TBL2: variants seen among roughly 807,000 people sequenced by gnomAD.
TBL2 encodes the protein transducin beta like 2, also known as transducin beta-like protein 2.
Under a neutral mutation model 41.8 loss-of-function variants are expected in TBL2, and 33 were observed. That is an observed-to-expected ratio of 0.79 (90% CI 0.60 to 1.06). The LOEUF is 1.06. Ranked by LOEUF, TBL2 falls within the 50% of genes least tolerant of loss-of-function variation. TBL2 has a pLI of 0.00. For synonymous variants in TBL2, 239 were observed against 241.7 expected (o/e 0.99, Z 0.10); for missense variants, 522 against 603.8 (o/e 0.86, Z 1.42).
Position 73,567,753 on chromosome 7 carries a change from T to G in TBL2, c.*2754A>C, listed in dbSNP as rs1169134210. On this transcript the variant is annotated 3_prime_UTR_variant, in exon 7 of 7. Transcript: ENST00000305632. Reference sequence around the variant, plus strand: ...GGCACTTTCTGTCCTCAGAAGTCTGTGGAATGACTTTTTGGTAGTGTTTTC... The same window carrying G: ...GGCACTTTCTGTCCTCAGAAGTCTGGGGAATGACTTTTTGGTAGTGTTTTC... 6.6e-6 allele frequency among the ~76,000 whole-genome samples: 1 copy of G among 152,184 alleles called. No individual in the cohort carries two copies. Among genetic ancestry groups the G allele is most frequent in the African/African-American group, 2.4e-5 (1 of 41,444 alleles).
intron 1 of TBL2, among the ~76,000 whole-genome samples, chr7:73,575,878 T>C (rs1435801807): frequency 1.3e-5 from 2 of 151,886 alleles, no homozygotes; most frequent in Non-Finnish European, 2.9e-5. Context: ...ACCCCATCTC[T>C]ACAGAAAACT....
At chr7:73,575,961 A>G (rs149927954) in intron 1 of TBL2, among the ~76,000 whole-genome samples, 93 of 152,120 alleles carry the variant, frequency 6.1e-4, no homozygotes, top group African/African-American at 2.2e-3. Context: ...AAATTGCTTG[A>G]GCCCAGGAGT....
rs1792847129 is a variant in TBL2, at chr7:73,570,382, G to C, written c.*125C>G. 11 of 1,404,784 alleles carry C rather than the reference G, an allele frequency of 7.8e-6. No individual in the cohort carries two copies. Among genetic ancestry groups the C allele is most frequent in the Non-Finnish European group, 9.3e-7 (1 of 1,079,678 alleles). The allele number at this position is 1,404,784 out of a possible 1,614,324, so 87.0% of individuals were successfully genotyped here. A position where few individuals can be genotyped will look rare whatever the true frequency, so the allele number is the denominator to read the frequency against. On this transcript the variant is annotated 3_prime_UTR_variant, in exon 7 of 7. Coordinates refer to ENST00000305632, the MANE Select transcript of TBL2 (RefSeq NM_012453.4). Reference sequence around the variant, plus strand: ...GAGTAGTTTCAATGGGAAGAAGCAGGGCCACCAGTAAGAAAACCAGGAGAC... The same window carrying C: ...GAGTAGTTTCAATGGGAAGAAGCAGCGCCACCAGTAAGAAAACCAGGAGAC...
chr7:73,568,837 G>C lies in TBL2; in HGVS notation c.*1670C>G, dbSNP rs1792751260. Reference sequence around the variant, plus strand: ...AGCTACTCTGGAGGCTGAGGCAGGAGAATCGCTTGAACCTAGGAGGCGGCG... The same window carrying C: ...AGCTACTCTGGAGGCTGAGGCAGGACAATCGCTTGAACCTAGGAGGCGGCG... On this transcript the variant is annotated 3_prime_UTR_variant, in exon 7 of 7. Coordinates refer to ENST00000305632, the MANE Select transcript of TBL2 (RefSeq NM_012453.4). 6.6e-6 allele frequency: 1 copy of C among 152,200 alleles called. No homozygotes were observed. 9.4% of individuals were successfully genotyped at this position (152,200 alleles called of 1,614,324 possible).
rs782374340 is a variant in TBL2, at chr7:73,570,577, C to A, written c.1274G>T (p.Arg425Leu). 3 of 1,609,018 alleles carry A rather than the reference C, an allele frequency of 1.9e-6. No individual in the cohort carries two copies. The highest frequency in any genetic ancestry group is 1.7e-5 in the Admixed American group (1 of 59,186). The change falls in exon 7 of 7, where the codon CGC becomes CTC. Residue 425 changes from arginine (R) to leucine (L), a missense_variant. Arg to Leu is a moderately radical substitution (Grantham distance 102). Coordinates refer to ENST00000305632, the MANE Select transcript of TBL2 (RefSeq NM_012453.4). ...GGTCAGCTGCTGCTGCAGCCTCTGGCGGGTGCTCTCGTTGGAGGCCCGCTT... is the reference window on the plus strand; with the variant it reads ...GGTCAGCTGCTGCTGCAGCCTCTGGAGGGTGCTCTCGTTGGAGGCCCGCTT... ...HLKRASNEST[R>L]QRLQQQLTQA...
Position 73,570,480 on chromosome 7 carries a change from A to C in TBL2, c.*27T>G. The C allele has an allele frequency of 6.8e-7, 1 of 1,476,612 alleles. No homozygotes were observed. The highest frequency in any genetic ancestry group is 9.0e-7 in the Non-Finnish European group (1 of 1,115,590). The allele number at this position is 1,476,612 out of a possible 1,614,324, so 91.5% of individuals were successfully genotyped here. On this transcript the variant is annotated 3_prime_UTR_variant, in exon 7 of 7. Transcript: ENST00000305632. ...TGAGGAGGCCAGATCCCTCCTCCTC[A>C]ATCCTCTGCGCCGGGCCCTCCCAGA...
Position 73,572,978 on chromosome 7 carries a change from G to T in TBL2, c.599-8C>A. Reference sequence around the variant, plus strand: ...CAGTCATGATAAACTTCCCTGAGCGGGAAGGGAGTGATGTGGGTCACGGGC... The same window carrying T: ...CAGTCATGATAAACTTCCCTGAGCGTGAAGGGAGTGATGTGGGTCACGGGC... On this transcript the variant is annotated splice_region_variant and splice_polypyrimidine_tract_variant and intron_variant, in intron 4 of 6. Transcript: ENST00000305632. 1 of 1,614,154 alleles carries T rather than the reference G, an allele frequency of 6.2e-7. No individual in the cohort carries two copies.
At chr7:73,575,712 G>A (rs1053656396) in intron 1 of TBL2, among the ~76,000 whole-genome samples, 4 of 152,202 alleles carry the variant, frequency 2.6e-5, no homozygotes, top group Non-Finnish European at 5.9e-5. Flanking sequence ...GATTATAGGC[G>A]TGAGCCACTG....
At chr7:73,575,110 G>GT (rs138718170) in intron 1 of TBL2, among the ~76,000 whole-genome samples, 54 of 149,096 alleles carry the variant, frequency 3.6e-4, no homozygotes, top group Middle Eastern at 3.4e-3. Flanking sequence ...CTGGACCTTG[G>GT]TTTTTTTTTT....
At chr7:73,574,795 G>C (rs1013540819) in intron 1 of TBL2, 2 of 525,664 alleles carry the variant, frequency 3.8e-6, no homozygotes, top group Non-Finnish European at 7.1e-6. Flanking sequence ...CTGAGTGACA[G>C]AGCAAGACCC....
intron 1 of TBL2, chr7:73,576,755 T>C (rs1554589030): frequency 8.8e-6 from 4 of 455,408 alleles, no homozygotes; most frequent in Admixed American, 4.7e-5. Flanking sequence ...TCCAGGCATG[T>C]CTAACAAGCC....
In TBL2 at chr7:73,570,853, G is replaced by T. The variant is rs779188248; in HGVS notation, c.998C>A (p.Ala333Glu). The change falls in exon 7 of 7, where the codon GCG becomes GAG. Residue 333 changes from alanine (A) to glutamate (E), a missense_variant. Ala to Glu is a moderately radical substitution (Grantham distance 107). Coordinates refer to ENST00000305632, the MANE Select transcript of TBL2 (RefSeq NM_012453.4). ...GGGGGAGAGGGCCAGGCGGCACGGC[G>T]CGGCACCCGCCGCCTCTTCAAAGCG... ...TGRFEEAAGAAPCRLALSPNA... is the reference protein window; with the variant it reads ...TGRFEEAAGAEPCRLALSPNA... The T allele has an allele frequency of 1.2e-6, 2 of 1,613,672 alleles. No individual in the cohort carries two copies. Among genetic ancestry groups the T allele is most frequent in the South Asian group, 2.2e-5 (2 of 91,076 alleles).
At chr7:73,577,901 G>A (rs1793439691) in intron 1 of TBL2, 1 of 206,142 alleles carries the variant, frequency 4.9e-6, no homozygotes, top group African/African-American at 2.3e-5. Flanking sequence ...GCCTCCCAAA[G>A]TGCTGGGAAT....
At position 73,569,736 on chromosome 7, in the gene TBL2, C is replaced by T. The variant is rs1792807082; in HGVS notation, c.*771G>A. On this transcript the variant is annotated 3_prime_UTR_variant, in exon 7 of 7. Coordinates refer to ENST00000305632, the MANE Select transcript of TBL2 (RefSeq NM_012453.4). ...TCAAATATCTGATGAACTTGATGAA[C>T]TGAAAAGAGGTCTCCTTAAACAAGA... is the stretch of plus-strand genomic sequence containing the variant. 6.6e-6 allele frequency: 1 copy of T among 152,128 alleles called. No individual in the cohort carries two copies. The highest frequency in any genetic ancestry group is 6.6e-5 in the Admixed American group (1 of 15,254). 9.4% of individuals were successfully genotyped at this position (152,128 alleles called of 1,614,324 possible). A position where few individuals can be genotyped will look rare whatever the true frequency, so the allele number is the denominator to read the frequency against.
intron 1 of TBL2, among the ~76,000 whole-genome samples, chr7:73,575,601 T>C (rs1793261927): frequency 6.6e-6 from 1 of 152,108 alleles, no homozygotes; most frequent in African/African-American, 2.4e-5. Context: ...CCCCAATTTT[T>C]TTGTTTTTTT....
chr7:73,571,077 G>A (rs900598870), intron 6 of TBL2, 105 bp from the exon 7 acceptor site: 6 of 1,575,660 alleles, frequency 3.8e-6, no homozygotes, highest in Middle Eastern at 1.7e-4. Flanking sequence ...GCTTCCTGCC[G>A]AGGGCCAGGC....
In TBL2 at chr7:73,571,131, C is replaced by G. The variant is rs782633990; in HGVS notation, c.878+58G>C. On this transcript the variant is annotated intron_variant, in intron 6 of 6. Transcript: ENST00000305632. ...CCATGGCACAAACAGACAGAAGGAC[C>G]CTGGTTGTCAAGAGGGGCCAAGAGC... 12 of 1,609,340 alleles carry G rather than the reference C, an allele frequency of 7.5e-6. No individual in the cohort carries two copies. In the East Asian group the frequency reaches 8.9e-5, roughly 12 times the overall value.
chr7:73,570,563 G>C lies in TBL2; in HGVS notation c.1288C>G (p.Gln430Glu), dbSNP rs562308906. Residue 430 changes from glutamine to glutamate, a missense_variant, in exon 7 of 7, where the codon CAG (glutamine) becomes GAG (glutamate). By Grantham distance (29) the Gln-to-Glu change is conservative (BLOSUM62 2). Transcript: ENST00000305632. Reference protein sequence around the residue: ...SNESTRQRLQQQLTQAQETLK... With the variant: ...SNESTRQRLQEQLTQAQETLK... ...GTCTCTTGGGCCTGGGTCAGCTGCT[G>C]CTGCAGCCTCTGGCGGGTGCTCTCG... is the stretch of plus-strand genomic sequence containing the variant. 6.8e-6 allele frequency: 11 copies of C among 1,607,060 alleles called. No individual in the cohort carries two copies. The African/African-American group carries it at 1.5e-4, about 21-fold the overall frequency.
intron 6 of TBL2, 96 bp downstream of exon 6, chr7:73,571,093 A>G (rs1403377063): frequency 6.3e-7 from 1 of 1,589,318 alleles, no homozygotes; most frequent in Non-Finnish European, 8.6e-7. Context: ...CAGGCACCCC[A>G]CCCTCTTCAG....
Sources: gnomAD v4.1 joint callset for allele counts (sites outside exome capture counted in the v4.1 genomes callset) on GRCh38, gnomAD v4.1.1 for gene constraint, MANE v1.5 for transcripts, NCBI Gene and HGNC (gene_info 2026-07-23, HGNC 2026-07-21) for gene names.